ADAM12: variants seen among roughly 807,000 people sequenced by gnomAD.
The protein encoded by ADAM12 is disintegrin and metalloproteinase domain-containing protein 12.
ADAM12 carries 70 observed loss-of-function variants against 106.4 expected under a neutral mutation model. The observed-to-expected ratio is 0.66, with a 90% CI of 0.54 to 0.80. ADAM12 has a LOEUF of 0.80. Among genes scored for constraint, ADAM12 ranks in the 30% least tolerant of loss-of-function variants. ADAM12 has a pLI of 0.00. For synonymous variants in ADAM12, 420 were observed against 433.5 expected, an observed-to-expected ratio of 0.97 and a Z score of 0.39; for missense variants, 1,010 against 1,171.9, an observed-to-expected ratio of 0.86 and a Z score of 2.02.
chr10:126,268,900 A>C lies in ADAM12; in HGVS notation c.260+10015T>G, dbSNP rs145869659. Among the ~76,000 whole-genome samples, 10 of 152,342 alleles carry C rather than the reference A, an allele frequency of 6.6e-5. 1 individual carries two copies. In the East Asian group the frequency reaches 1.9e-3, roughly 29 times the overall value. On this transcript the variant is annotated intron_variant, in intron 3 of 22. Coordinates refer to ENST00000448723, the MANE Select transcript of ADAM12 (RefSeq NM_001288973.2). ...CCCCAAAAGAGGGTTCTTGGATCTT[A>C]CACAAGAAAGAATTCAGGGTAAGTC...
Position 126,118,675 on chromosome 10 carries a change from A to G in ADAM12, c.417-451T>C, listed in dbSNP as rs2133623090. On this transcript the variant is annotated intron_variant, in intron 5 of 22. Coordinates refer to ENST00000448723, the MANE Select transcript of ADAM12 (RefSeq NM_001288973.2). ...CTTTGGTTACGTGGATAAATTGTGT[A>G]ATGGTGAAGTCTAGGATTTTAGTGC... Among the ~76,000 whole-genome samples, 2 of 152,330 alleles carry G rather than the reference A, an allele frequency of 1.3e-5. 1 individual carries two copies. The highest frequency in any genetic ancestry group is 3.9e-4 in the East Asian group (2 of 5,186).
At chr10:126,082,855 A>G (rs1278344) in intron 11 of ADAM12, among the ~76,000 whole-genome samples, 103,989 of 152,090 alleles carry the variant, frequency 0.68, 35,866 homozygotes, top group South Asian at 0.78. Flanking sequence ...GCAGGGGACC[A>G]CAGTGTGGGG....
At chr10:126,231,074 T>G (rs550647633) in intron 3 of ADAM12, among the ~76,000 whole-genome samples, 2 of 152,326 alleles carry the variant, frequency 1.3e-5, no homozygotes, top group South Asian at 4.1e-4. Flanking sequence ...TGCATTGTCC[T>G]GTAAATGGAA....
Position 126,014,586 on chromosome 10 carries a change from C to T in ADAM12, c.*2693G>A, listed in dbSNP as rs972825621. 6.6e-6 allele frequency: 1 copy of T among 152,048 alleles called. No individual in the cohort carries two copies. The highest frequency in any genetic ancestry group is 1.5e-5 in the Non-Finnish European group (1 of 68,006). The allele number at this position is 152,048 out of a possible 1,614,324, so 9.4% of individuals were successfully genotyped here. A position where few individuals can be genotyped will look rare whatever the true frequency, so the allele number is the denominator to read the frequency against. ...TTCCACAATGGAGAATGTTAGGCTT[C>T]GTTTCCCTCGGTTGCTACACATCTG... On this transcript the variant is annotated 3_prime_UTR_variant, in exon 23 of 23. Coordinates refer to ENST00000448723, the MANE Select transcript of ADAM12 (RefSeq NM_001288973.2).
chr10:126,327,544 C>A (rs1229251981), intron 2 of ADAM12, among the ~76,000 whole-genome samples: 1 of 151,962 alleles, frequency 6.6e-6, no homozygotes, highest in Admixed American at 6.6e-5. Flanking sequence ...ATTGCTTGAG[C>A]CCAGGAGTTT....
intron 17 of ADAM12, among the ~76,000 whole-genome samples, chr10:126,045,373 T>C (rs963890447): frequency 2.0e-5 from 3 of 152,136 alleles, no homozygotes; most frequent in Non-Finnish European, 4.4e-5. Flanking sequence ...CCTCCCCCCA[T>C]GCACCCGGTA....
At chr10:126,123,719 G>A (rs3824640) in intron 5 of ADAM12, among the ~76,000 whole-genome samples, 1 of 152,210 alleles carries the variant, frequency 6.6e-6, no homozygotes, top group Non-Finnish European at 1.5e-5. Context: ...CCGGGCTTGG[G>A]CCTCTCAACC....
intron 8 of ADAM12, among the ~76,000 whole-genome samples, chr10:126,103,242 C>T: frequency 6.6e-6 from 1 of 152,272 alleles, no homozygotes; most frequent in Middle Eastern, 3.4e-3. Flanking sequence ...AACAGACAAC[C>T]TCCCCTCTCC....
chr10:126,303,495 T>A (rs1960712656), intron 2 of ADAM12, among the ~76,000 whole-genome samples: 1 of 152,202 alleles, frequency 6.6e-6, no homozygotes, highest in South Asian at 2.1e-4. Flanking sequence ...TAAATTACTT[T>A]CCGAGAGGAG....
At chr10:126,362,767 T>C (rs753399426) in intron 1 of ADAM12, among the ~76,000 whole-genome samples, 23 of 151,548 alleles carry the variant, frequency 1.5e-4, no homozygotes, top group Non-Finnish European at 2.9e-4. Context: ...GAATGGTGGT[T>C]ACCAAAAGTC....
At chr10:126,155,431 A>G in intron 3 of ADAM12, 126 bp from the exon 4 acceptor site, 1 of 819,592 alleles carries the variant, frequency 1.2e-6, no homozygotes, top group Non-Finnish European at 1.9e-6. Context: ...AGATAATCCA[A>G]GGAAGCTCCC....
intron 13 of ADAM12, among the ~76,000 whole-genome samples, chr10:126,065,477 C>T (rs991351636): frequency 1.3e-5 from 2 of 152,104 alleles, no homozygotes; most frequent in South Asian, 2.1e-4. Flanking sequence ...TTTAGTCAGT[C>T]GTCAAATCAT....
rs561504841 is a variant in ADAM12, at chr10:126,168,924, G to A, written c.261-13619C>T. ...AAAAATTAGCCGGGTATGGTGGCAC[G>A]TGCCTGTAATCCCAGCTACTCAGGA... is the stretch of plus-strand genomic sequence containing the variant. On this transcript the variant is annotated intron_variant, in intron 3 of 22. Coordinates refer to ENST00000448723, the MANE Select transcript of ADAM12 (RefSeq NM_001288973.2). Among the ~76,000 whole-genome samples, 459 of 152,166 alleles carry A rather than the reference G, an allele frequency of 3.0e-3. 3 individuals carry two copies. Among genetic ancestry groups the A allele is most frequent in the African/African-American group, 0.011 (446 of 41,502 alleles).
intron 4 of ADAM12, among the ~76,000 whole-genome samples, chr10:126,149,625 C>A (rs1227835165): frequency 6.6e-6 from 1 of 152,192 alleles, no homozygotes; most frequent in Non-Finnish European, 1.5e-5. Context: ...ATAAAGTAGG[C>A]AGAGGAATGT....
At chr10:126,162,237 C>A in intron 3 of ADAM12, among the ~76,000 whole-genome samples, 1 of 151,934 alleles carries the variant, frequency 6.6e-6, no homozygotes. Context: ...AGGGGGTGCC[C>A]AAGGGAGCCG....
intron 2 of ADAM12, among the ~76,000 whole-genome samples, chr10:126,288,815 A>T (rs1376777077): frequency 6.7e-6 from 1 of 150,348 alleles, no homozygotes; most frequent in Non-Finnish European, 1.5e-5. Flanking sequence ...ACATGGTGAC[A>T]CGGTGGCCCA....
At chr10:126,177,054 ACACG>A (rs912663733) in intron 3 of ADAM12, among the ~76,000 whole-genome samples, 23 of 148,392 alleles carry the variant, frequency 1.5e-4, no homozygotes, top group African/African-American at 5.8e-4. Context: ...ACACACACAC[ACACG>A]CACACACACA....
chr10:126,132,474 C>T (rs939161585), intron 5 of ADAM12, among the ~76,000 whole-genome samples: 3 of 151,438 alleles, frequency 2.0e-5, no homozygotes, highest in Admixed American at 6.6e-5. Flanking sequence ...CTGGTCTCTA[C>T]AGGAGCTGCA....
At chr10:126,330,579 C>T in intron 1 of ADAM12, 70 bp from the exon 2 acceptor site, 2 of 1,299,782 alleles carry the variant, frequency 1.5e-6, no homozygotes, top group Non-Finnish European at 2.2e-6. Context: ...AAGCTTATTA[C>T]ATAAATGACA....
Sources: allele counts gnomAD v4.1 joint callset (sites outside exome capture counted in the v4.1 genomes callset), GRCh38; gene constraint gnomAD v4.1.1; transcripts MANE v1.5; gene names NCBI Gene and HGNC (gene_info 2026-07-23, HGNC 2026-07-21).